Variants in CLDN14 observed in about 807,000 individuals in gnomAD.
The protein encoded by CLDN14 is claudin 14, also known as claudin-14.
Under a neutral mutation model 2.1 loss-of-function variants are expected in CLDN14, and 2 were observed. That is an observed-to-expected ratio of 0.96 (90% CI 0.39 to 3.01). The LOEUF is 3.01. Among genes scored for constraint, CLDN14 ranks in the 30% most tolerant of loss-of-function variants. CLDN14 has a pLI of 0.09. For missense variants in CLDN14, 298 were observed against 328.0 expected, an observed-to-expected ratio of 0.91 and a Z score of 0.71; for synonymous variants, 136 against 154.4, an observed-to-expected ratio of 0.88 and a Z score of 0.88.
chr21:36,532,486 A>G lies in CLDN14; in HGVS notation c.-219-21986T>C, dbSNP rs1354113379. The stretch of plus-strand genomic sequence containing the variant: ...GGGGAGGGATAGCATTAGGAGATAT[A>G]CCTAATGCTAAATGACGAGTTAACG... On this transcript the variant is annotated intron_variant, in intron 1 of 2. Coordinates refer to the CLDN14 transcript ENST00000342108. 5.9e-5 allele frequency: 9 copies of G among 152,066 alleles called. No individual in the cohort carries two copies. In the East Asian group the frequency reaches 1.5e-3, roughly 26 times the overall value. The allele number at this position is 152,066 out of a possible 1,614,324, so 9.4% of individuals were successfully genotyped here.
At chr21:36,503,768 C>T (rs1373234252) in intron 2 of CLDN14, among the ~76,000 whole-genome samples, 4 of 152,068 alleles carry the variant, frequency 2.6e-5, no homozygotes. Context: ...TAAATGTCTA[C>T]ATTATGCATT....
rs975072391 is a variant in CLDN14 at position 36,560,983 on chromosome 21, A to G, written c.-220+15428T>C. ...AAGAGAAATGAATTACTGGGAAATAAAAGTTCTAAAAGCATACAAAACATA... is the reference window on the plus strand; with the variant it reads ...AAGAGAAATGAATTACTGGGAAATAGAAGTTCTAAAAGCATACAAAACATA... On this transcript the variant is annotated intron_variant, in intron 1 of 2. Coordinates refer to the CLDN14 transcript ENST00000342108. Among the ~76,000 whole-genome samples, 3 of 152,212 alleles carry G rather than the reference A, an allele frequency of 2.0e-5. No individual in the cohort carries two copies. In the East Asian group the frequency reaches 5.8e-4, roughly 29 times the overall value.
In CLDN14 at chr21:36,498,840, C is replaced by T. The variant is rs1488673505; in HGVS notation, c.-82+11523G>A. Reference sequence around the variant, plus strand: ...CTGCACGAAGGTGGCCGCTGAGGGGCCCTCATGGGGGCTGAAATTCAACCA... The same window carrying T: ...CTGCACGAAGGTGGCCGCTGAGGGGTCCTCATGGGGGCTGAAATTCAACCA... On this transcript the variant is annotated intron_variant, in intron 2 of 2. Transcript: ENST00000342108. The surrounding 1 kb of genome is among the most constrained non-coding windows in gnomAD (Gnocchi z 4.9). Among the ~76,000 whole-genome samples the T allele has an allele frequency of 6.6e-6, 1 of 152,104 alleles. No homozygotes were observed. Among genetic ancestry groups the T allele is most frequent in the South Asian group, 2.1e-4 (1 of 4,822 alleles).
chr21:36,511,150 G>A (rs1025667470), intron 1 of CLDN14, among the ~76,000 whole-genome samples: 2 of 152,148 alleles, frequency 1.3e-5, no homozygotes, highest in African/African-American at 2.4e-5. Flanking sequence ...ACCCCAACAG[G>A]TGAAGACACA....
At chr21:36,558,011 C>T (rs1210891509) in intron 1 of CLDN14, among the ~76,000 whole-genome samples, 2 of 152,066 alleles carry the variant, frequency 1.3e-5, no homozygotes, top group Non-Finnish European at 2.9e-5. Flanking sequence ...TGTAGTTTTC[C>T]CAGCACCATT....
At chr21:36,550,143 A>T (rs1030281596) in intron 1 of CLDN14, among the ~76,000 whole-genome samples, 1 of 152,216 alleles carries the variant, frequency 6.6e-6, no homozygotes, top group Non-Finnish European at 1.5e-5. Context: ...TCTTTTCAAG[A>T]TATTGTCTTT....
At chr21:36,478,780 G>T (rs968569515) in intron 1 of CLDN14, among the ~76,000 whole-genome samples, 1 of 152,208 alleles carries the variant, frequency 6.6e-6, no homozygotes, top group Non-Finnish European at 1.5e-5. Context: ...AAGGTTTGGG[G>T]ACGGTCTCAG....
In CLDN14 at chr21:36,460,834, G is replaced by C; in HGVS notation, c.*142C>G. ...TCCCCCTCTGTCCCTGTGCTCTAAAGACATTTCCTCGCATTCACATTATTT... is the reference window on the plus strand; with the variant it reads ...TCCCCCTCTGTCCCTGTGCTCTAAACACATTTCCTCGCATTCACATTATTT... On this transcript the variant is annotated 3_prime_UTR_variant, in exon 2 of 2. Transcript: ENST00000399135. The surrounding 1 kb of genome is among the most constrained non-coding windows in gnomAD (Gnocchi z 4.0). The C allele has an allele frequency of 2.0e-6, 2 of 985,204 alleles. No individual in the cohort carries two copies. Among genetic ancestry groups the C allele is most frequent in the Non-Finnish European group, 3.0e-6 (2 of 657,576 alleles). The allele number at this position is 985,204 out of a possible 1,614,324, so 61.0% of individuals were successfully genotyped here. A position where few individuals can be genotyped will look rare whatever the true frequency, so the allele number is the denominator to read the frequency against.
At chr21:36,541,476 A>G (rs188965672) in intron 1 of CLDN14, among the ~76,000 whole-genome samples, 1 of 152,336 alleles carries the variant, frequency 6.6e-6, no homozygotes, top group East Asian at 1.9e-4. Flanking sequence ...GTTCCCCAGG[A>G]ACCAAAGCAA....
chr21:36,514,622 A>AGTGTGTGTGT (rs34558148), intron 1 of CLDN14, among the ~76,000 whole-genome samples: 9 of 33,724 alleles, frequency 2.7e-4, no homozygotes, highest in African/African-American at 4.6e-4. Context: ...CGTGAGAGAA[A>AGTGTGTGTGT]GTGTGTGTGT....
intron 1 of CLDN14, among the ~76,000 whole-genome samples, chr21:36,537,540 G>T (rs547951551): frequency 1.3e-5 from 2 of 152,212 alleles, no homozygotes; most frequent in African/African-American, 4.8e-5. Context: ...TAATGGTGTC[G>T]CAGATACATA....
intron 1 of CLDN14, among the ~76,000 whole-genome samples, chr21:36,531,028 C>T (rs2087375094): frequency 6.6e-6 from 1 of 151,998 alleles, no homozygotes; most frequent in Non-Finnish European, 1.5e-5. Flanking sequence ...GTCAGGAGTT[C>T]GAGATCAGCC....
intron 1 of CLDN14, among the ~76,000 whole-genome samples, chr21:36,532,567 G>A (rs1415597508): frequency 1.3e-5 from 2 of 151,648 alleles, no homozygotes; most frequent in Non-Finnish European, 2.9e-5. Context: ...TGCATGTTGT[G>A]CACATGTACC....
rs376978682 is a variant in CLDN14, at chr21:36,506,681, G to C, written c.-82+3682C>G. ...GGCTGCACAAAAAGCCGTTCACAGC[G>C]ATCACCTCTGGGGGGTGGAGCCAAG... On this transcript the variant is annotated intron_variant, in intron 2 of 2. Coordinates refer to the CLDN14 transcript ENST00000342108. 3.3e-5 allele frequency among the ~76,000 whole-genome samples: 5 copies of C among 152,034 alleles called. No individual in the cohort carries two copies. In the East Asian group the frequency reaches 7.7e-4, roughly 23 times the overall value.
intron 1 of CLDN14, among the ~76,000 whole-genome samples, chr21:36,548,904 C>G (rs544592842): frequency 1.2e-4 from 18 of 152,322 alleles, no homozygotes; most frequent in Admixed American, 3.3e-4. Flanking sequence ...GTGGCTGCCC[C>G]TTCTCCAGGC....
intron 1 of CLDN14, among the ~76,000 whole-genome samples, chr21:36,514,180 G>C (rs1351153816): frequency 6.6e-6 from 1 of 152,144 alleles, no homozygotes; most frequent in Non-Finnish European, 1.5e-5. Context: ...AGAATCAGAA[G>C]GTGTAGCTGG....
rs919473306 is a variant in CLDN14, at chr21:36,498,241, T to C, written c.-82+12122A>G. Among the ~76,000 whole-genome samples the C allele has an allele frequency of 1.3e-5, 2 of 152,114 alleles. No individual in the cohort carries two copies. Among genetic ancestry groups the C allele is most frequent in the Non-Finnish European group, 2.9e-5 (2 of 68,026 alleles). ...GTGTCGAACTCCTGACCTCAGGCGG[T>C]CCACCTGCCTTGGCCTCCCAAAGTG... On this transcript the variant is annotated intron_variant, in intron 2 of 2. Coordinates refer to the CLDN14 transcript ENST00000342108. This position sits in a 1 kb window ranked among gnomAD's most constrained non-coding sequence, Gnocchi z 4.9.
intron 1 of CLDN14, 50 bp downstream of exon 1, chr21:36,479,445 G>C (rs2086818530): frequency 6.6e-6 from 1 of 151,980 alleles, no homozygotes; most frequent in African/African-American, 2.4e-5. Context: ...ACAGATGACT[G>C]TCAACCCCAG....
rs145890785 is a variant in CLDN14 at position 36,573,233 on chromosome 21, G to A, written c.-220+3178C>T. On this transcript the variant is annotated intron_variant, in intron 1 of 2. Coordinates refer to the CLDN14 transcript ENST00000342108. ...GGTGAATGGTGTGAACCCGGGAGGC[G>A]GAGCTTGCAGTGAGCAGAGATCATG... Among the ~76,000 whole-genome samples, 162 of 150,166 alleles carry A rather than the reference G, an allele frequency of 1.1e-3. 1 individual carries two copies. The highest frequency in any genetic ancestry group is 3.6e-3 in the African/African-American group (147 of 40,948).
Sources: gnomAD v4.1 joint callset for allele counts (sites outside exome capture counted in the v4.1 genomes callset) on GRCh38, gnomAD v4.1.1 for gene constraint, Gnocchi (gnomAD v3.1) non-coding constraint, MANE v1.5 for transcripts, NCBI Gene and HGNC (gene_info 2026-07-23, HGNC 2026-07-21) for gene names.